PKD1L1: variants seen among roughly 807,000 people sequenced by gnomAD.
PKD1L1 encodes polycystin-1-like protein 1.
In PKD1L1, 236 loss-of-function variants were observed where a neutral mutation model predicts 323.4. The observed-to-expected ratio is 0.73, with a 90% confidence interval of 0.66 to 0.81. The LOEUF (loss-of-function observed/expected upper bound fraction) is 0.81, where lower values mean the gene tolerates loss of function less well. PKD1L1 is among the 40% of genes least tolerant of loss of function. PKD1L1 has a pLI of 0.00. For missense variants in PKD1L1, 3,320 were observed against 3,508.0 expected, an observed-to-expected ratio of 0.95 and a Z score of 1.35; for synonymous variants, 1,344 against 1,335.0, an observed-to-expected ratio of 1.01 and a Z score of -0.15.
chr7:47,884,184 A>C lies in PKD1L1; in HGVS notation c.3265+414T>G, dbSNP rs1319071853. Among the ~76,000 whole-genome samples, 8 of 139,386 alleles carry C rather than the reference A, an allele frequency of 5.7e-5. No individual in the cohort carries two copies. In the South Asian group the frequency reaches 1.0e-3, roughly 18 times the overall value. The allele number at this position is 139,386 out of a possible 152,430, so 91.4% of individuals were successfully genotyped here. ...GTGTGTGTTTTGGGGGTTGGGGGGAAGGCGGGGGGAGTGGTGGTCCTTACA... is the reference window on the plus strand; with the variant it reads ...GTGTGTGTTTTGGGGGTTGGGGGGACGGCGGGGGGAGTGGTGGTCCTTACA... On this transcript the variant is annotated intron_variant, in intron 19 of 56. Coordinates refer to ENST00000289672, the MANE Select transcript of PKD1L1 (RefSeq NM_138295.5).
chr7:47,897,855 T>G (rs1208389664), intron 14 of PKD1L1, 133 bp downstream of exon 14: 3 of 360,212 alleles, frequency 8.3e-6, no homozygotes, highest in Admixed American at 9.0e-5. Flanking sequence ...CAATGCAGAT[T>G]TTTTTTTTTT....
intron 54 of PKD1L1, among the ~76,000 whole-genome samples, chr7:47,796,868 T>C (rs1429166894): frequency 2.7e-5 from 4 of 146,320 alleles, no homozygotes; most frequent in South Asian, 4.3e-4. Context: ...GGTGTGGTGG[T>C]GGGCACCTGT....
At chr7:47,845,921 T>C (rs1785656998) in intron 32 of PKD1L1, among the ~76,000 whole-genome samples, 1 of 152,184 alleles carries the variant, frequency 6.6e-6, no homozygotes, top group Admixed American at 6.5e-5. Flanking sequence ...AAAAAGTGCC[T>C]AGCAGAGAGT....
chr7:47,947,002 C>T (rs1788110784), intron 1 of PKD1L1, among the ~76,000 whole-genome samples: 1 of 152,102 alleles, frequency 6.6e-6, no homozygotes. Context: ...GAGTGAAGGT[C>T]AAATTGGGCC....
chr7:47,811,734 C>T, intron 50 of PKD1L1, 83 bp downstream of exon 50: 1 of 1,130,752 alleles, frequency 8.8e-7, no homozygotes, highest in Non-Finnish European at 1.3e-6. Context: ...GGGAACTAGT[C>T]CTGTCTGGTG....
intron 13 of PKD1L1, among the ~76,000 whole-genome samples, 162 bp downstream of exon 13, chr7:47,902,195 CCCCTGAGGACCCAGGTCACCCG>C (rs1787106830): frequency 6.6e-6 from 1 of 152,192 alleles, no homozygotes; most frequent in Admixed American, 6.5e-5. Flanking sequence ...AGCCCTCCCT[CCCCTGAGGACCCAGGTCACCCG>C]CTCTGAAGCC....
chr7:47,792,674 T>C lies in PKD1L1; in HGVS notation c.8479A>G (p.Thr2827Ala), dbSNP rs534798769. The change falls in exon 56 of 57, where the codon ACA (threonine) becomes GCA (alanine). Residue 2827 changes from threonine (T) to alanine (A), a missense_variant. Coordinates refer to ENST00000289672, the MANE Select transcript of PKD1L1 (RefSeq NM_138295.5). ...KTSNNTGEAR[T>A]EESPLVDISS... is the part of the protein sequence containing the mutation. ...ATGTCCACTAAGGGACTCTCTTCTG[T>C]CCTTGCCTCCCCTGTGTTGTTGGAT... is the stretch of plus-strand genomic sequence containing the variant. 1.9e-6 allele frequency: 3 copies of C among 1,614,162 alleles called. No individual in the cohort carries two copies. The highest frequency in any genetic ancestry group is 1.1e-5 in the South Asian group (1 of 91,070).
rs954727745 is a variant in PKD1L1 at position 47,908,388 on chromosome 7, C to T, written c.1229-138G>A. The stretch of plus-strand genomic sequence containing the variant: ...AGGTGATCTTTCTTGTCTCTTGTAG[C>T]AGCAGGGCCATTTCATGGGCATGTG... On this transcript the variant is annotated intron_variant, in intron 8 of 56. Transcript: ENST00000289672. 6.2e-6 allele frequency: 5 copies of T among 812,448 alleles called. No homozygotes were observed. The Admixed American group carries it at 8.0e-5, about 13-fold the overall frequency. The allele number at this position is 812,448 out of a possible 1,614,324, so 50.3% of individuals were successfully genotyped here. A position where few individuals can be genotyped will look rare whatever the true frequency, so the allele number is the denominator to read the frequency against.
chr7:47,784,336 G>T (rs1786760389), intron 56 of PKD1L1, among the ~76,000 whole-genome samples: 1 of 152,086 alleles, frequency 6.6e-6, no homozygotes. Context: ...CTTTTCTTGT[G>T]ATGTCCATCA....
chr7:47,859,515 G>C (rs889026758), intron 26 of PKD1L1, among the ~76,000 whole-genome samples: 1 of 151,042 alleles, frequency 6.6e-6, no homozygotes, highest in African/African-American at 2.4e-5. Flanking sequence ...GTCTCACTCT[G>C]TCACCCAGGC....
chr7:47,940,291 T>C lies in PKD1L1; in HGVS notation c.187A>G (p.Met63Val), dbSNP rs1563000193. 3 of 1,612,692 alleles carry C rather than the reference T, an allele frequency of 1.9e-6. No individual in the cohort carries two copies. Among genetic ancestry groups the C allele is most frequent in the South Asian group, 1.1e-5 (1 of 91,016 alleles). ...VEVYANHVLL[M>V]SDGKCGCPWC... Reference sequence around the variant, plus strand: ...GGACAGCCACACTTCCCATCACTCATAAGAAGCACATGATTAGCATAGACC... The same window carrying C: ...GGACAGCCACACTTCCCATCACTCACAAGAAGCACATGATTAGCATAGACC... Residue 63 changes from methionine (M) to valine (V), a missense_variant, in exon 3 of 57, where the codon ATG becomes GTG. Coordinates refer to ENST00000289672, the MANE Select transcript of PKD1L1 (RefSeq NM_138295.5).
intron 26 of PKD1L1, among the ~76,000 whole-genome samples, chr7:47,863,877 C>A (rs1232704410): frequency 6.6e-6 from 1 of 152,042 alleles, no homozygotes; most frequent in Non-Finnish European, 1.5e-5. Context: ...CACACACAAA[C>A]AAGAGGCAGC....
intron 49 of PKD1L1, 74 bp downstream of exon 49, chr7:47,813,047 T>C (rs2128729912): frequency 6.5e-7 from 1 of 1,531,070 alleles, no homozygotes; most frequent in Non-Finnish European, 8.8e-7. Flanking sequence ...GCAGATGCGC[T>C]GCGTCCAGCA....
chr7:47,887,952 C>T, intron 17 of PKD1L1, 38 bp downstream of exon 17: 1 of 1,574,098 alleles, frequency 6.4e-7, no homozygotes, highest in Non-Finnish European at 8.7e-7. Flanking sequence ...CTGAGTTTTT[C>T]CCTCAGAAAA....
the PKD1L1 span, among the ~76,000 whole-genome samples, chr7:47,959,252 G>A: frequency 6.6e-6 from 1 of 152,056 alleles, no homozygotes; most frequent in East Asian, 2.0e-4. Flanking sequence ...ACCCCGTCTG[G>A]GAAGTGAGGA....
At chr7:47,910,559 C>T (rs1327290016) in intron 8 of PKD1L1, among the ~76,000 whole-genome samples, 5 of 151,940 alleles carry the variant, frequency 3.3e-5, no homozygotes, top group African/African-American at 7.3e-5. Context: ...AGGATGGTCT[C>T]GATCTCCCAA....
chr7:47,904,316 C>A, intron 12 of PKD1L1, 62 bp downstream of exon 12: 1 of 1,604,390 alleles, frequency 6.2e-7, no homozygotes, highest in Non-Finnish European at 8.5e-7. Context: ...AGGGCTGATG[C>A]CTTAAGACTC....
chr7:47,898,389 G>C (rs569087163), intron 13 of PKD1L1, among the ~76,000 whole-genome samples, 195 bp from the exon 14 acceptor site: 1 of 151,140 alleles, frequency 6.6e-6, no homozygotes, highest in East Asian at 1.9e-4. Context: ...AAAATAAAAG[G>C]TTAAAAAAAA....
chr7:47,852,043 T>G (rs1360483472), intron 31 of PKD1L1, among the ~76,000 whole-genome samples: 3 of 152,216 alleles, frequency 2.0e-5, no homozygotes, highest in Admixed American at 6.5e-5. Context: ...CTTATGATAA[T>G]GTACTGAGTT....
Sources: gnomAD v4.1 joint callset for allele counts (sites outside exome capture counted in the v4.1 genomes callset) on GRCh38, gnomAD v4.1.1 for gene constraint, MANE v1.5 for transcripts, NCBI Gene and HGNC (gene_info 2026-07-23, HGNC 2026-07-21) for gene names.